Variants in FHIT observed in about 807,000 individuals in gnomAD.
The protein encoded by FHIT is fragile histidine triad diadenosine triphosphatase.
In FHIT, 19 loss-of-function variants were observed where a neutral mutation model predicts 17.9. That is an observed-to-expected ratio of 1.06 (90% CI 0.74 to 1.56). The LOEUF is 1.56. Among genes scored for constraint, FHIT ranks in the 40% most tolerant of loss-of-function variants. FHIT has a pLI of 0.00. For synonymous variants in FHIT, 81 were observed against 69.7 expected (o/e 1.16, Z -0.81); for missense variants, 248 against 189.2 (o/e 1.31, Z -1.82).
intron 5 of FHIT, among the ~76,000 whole-genome samples, chr3:60,383,455 G>A (rs1256032663): frequency 6.6e-6 from 1 of 151,960 alleles, no homozygotes; most frequent in Non-Finnish European, 1.5e-5. Context: ...CATAATTGGA[G>A]GTGAGAGTGC....
At chr3:60,190,890 C>T (rs1702374255) in intron 5 of FHIT, among the ~76,000 whole-genome samples, 1 of 151,942 alleles carries the variant, frequency 6.6e-6, no homozygotes, top group Admixed American at 6.6e-5. Flanking sequence ...TTGCAGTGAG[C>T]CGAGATTGCA....
At chr3:61,104,517 A>G (rs1294479023) in intron 2 of FHIT, among the ~76,000 whole-genome samples, 3 of 151,998 alleles carry the variant, frequency 2.0e-5, no homozygotes, top group Non-Finnish European at 4.4e-5. Flanking sequence ...TGTCATTTCA[A>G]CCATGGAGAA....
chr3:60,390,550 T>C (rs1701187257), intron 5 of FHIT, among the ~76,000 whole-genome samples: 2 of 152,018 alleles, frequency 1.3e-5, no homozygotes, highest in Non-Finnish European at 2.9e-5. Context: ...CAGGAGTTGC[T>C]CCAGAAGAAG....
chr3:60,873,265 G>A (rs1704493844), intron 3 of FHIT, among the ~76,000 whole-genome samples: 5 of 152,100 alleles, frequency 3.3e-5, no homozygotes. Flanking sequence ...GATTTTACTG[G>A]GAGGAAGAAA....
At position 59,951,620 on chromosome 3, in the gene FHIT, C is replaced by A. The variant is rs147916073; in HGVS notation, c.280-29206G>T. Among the ~76,000 whole-genome samples, 14 of 152,256 alleles carry A rather than the reference C, an allele frequency of 9.2e-5. No individual in the cohort carries two copies. In the East Asian group the frequency reaches 9.7e-4, roughly 11 times the overall value. ...AGAGATCATCAGGCCTTGTGCCCCC[C>A]ACCCCACCATCTTGGTGAGCTGACT... On this transcript the variant is annotated intron_variant, in intron 7 of 9. Transcript: ENST00000492590.
intron 4 of FHIT, among the ~76,000 whole-genome samples, chr3:60,600,703 A>C (rs1190294031): frequency 2.0e-5 from 3 of 152,210 alleles, no homozygotes; most frequent in Admixed American, 2.0e-4. Flanking sequence ...CTAAATATGA[A>C]AAGGTATGGA....
intron 4 of FHIT, among the ~76,000 whole-genome samples, chr3:60,607,777 TA>T (rs2038655024): frequency 6.6e-6 from 1 of 152,260 alleles, no homozygotes; most frequent in South Asian, 2.1e-4. Flanking sequence ...TATACATATA[TA>T]CACACATATA....
chr3:60,484,408 G>A (rs2033748487), intron 5 of FHIT, among the ~76,000 whole-genome samples: 1 of 152,138 alleles, frequency 6.6e-6, no homozygotes, highest in Non-Finnish European at 1.5e-5. Flanking sequence ...CAGGCTACCT[G>A]GCTTCAAACT....
In FHIT at chr3:61,245,368, A is replaced by C. The variant is rs554658646; in HGVS notation, c.-213+5933T>G. 5.9e-5 allele frequency among the ~76,000 whole-genome samples: 9 copies of C among 152,308 alleles called. No homozygotes were observed. The South Asian group carries it at 1.7e-3, about 28-fold the overall frequency. Reference sequence around the variant, plus strand: ...GAGTCACACACATAGAAAGTAGCAGAACCAAGATTAAAGTCCAGGTCTTTT... The same window carrying C: ...GAGTCACACACATAGAAAGTAGCAGCACCAAGATTAAAGTCCAGGTCTTTT... On this transcript the variant is annotated intron_variant, in intron 1 of 9. Coordinates refer to ENST00000492590, the MANE Select transcript of FHIT (RefSeq NM_002012.4).
At chr3:60,030,854 T>C (rs1700969661) in intron 5 of FHIT, among the ~76,000 whole-genome samples, 1 of 152,106 alleles carries the variant, frequency 6.6e-6, no homozygotes, top group African/African-American at 2.4e-5. Flanking sequence ...TAAAAATAAA[T>C]AAATAAAAGC....
At chr3:61,066,908 T>C (rs1481193693) in intron 2 of FHIT, among the ~76,000 whole-genome samples, 2 of 152,232 alleles carry the variant, frequency 1.3e-5, no homozygotes, top group African/African-American at 4.8e-5. Context: ...TGTGAGGAGC[T>C]GTGTGGAATG....
chr3:60,610,068 T>A (rs2038737753), intron 4 of FHIT, among the ~76,000 whole-genome samples: 1 of 152,200 alleles, frequency 6.6e-6, no homozygotes. Context: ...ACACAGTAAA[T>A]AAACTACATT....
At chr3:60,290,276 A>G (rs1707921361) in intron 5 of FHIT, among the ~76,000 whole-genome samples, 1 of 151,936 alleles carries the variant, frequency 6.6e-6, no homozygotes, top group Admixed American at 6.6e-5. Context: ...TCAGCCCACC[A>G]CCTCCTGCTA....
chr3:60,068,845 G>A (rs902072254), intron 5 of FHIT, among the ~76,000 whole-genome samples: 2 of 152,036 alleles, frequency 1.3e-5, no homozygotes, highest in African/African-American at 2.4e-5. Flanking sequence ...AAATTAGACG[G>A]TCCTAAGAAT....
intron 5 of FHIT, among the ~76,000 whole-genome samples, chr3:60,477,409 G>A (rs533568862): frequency 1.0e-3 from 156 of 152,202 alleles, no homozygotes; most frequent in African/African-American, 3.6e-3. Flanking sequence ...GTTTATGCCT[G>A]CCTTTGGATT....
chr3:60,782,235 G>GTA (rs879948599), intron 4 of FHIT, among the ~76,000 whole-genome samples: 259 of 76,212 alleles, frequency 3.4e-3, no homozygotes, highest in African/African-American at 0.011. Flanking sequence ...GTGTGTGTGT[G>GTA]TGTATATATA....
At chr3:60,504,916 C>A (rs1001184112) in intron 5 of FHIT, among the ~76,000 whole-genome samples, 1 of 152,156 alleles carries the variant, frequency 6.6e-6, no homozygotes, top group East Asian at 1.9e-4. Flanking sequence ...AGCACAAATT[C>A]TGACCTTTAA....
intron 5 of FHIT, among the ~76,000 whole-genome samples, chr3:60,514,495 G>A (rs1263952609): frequency 2.0e-5 from 3 of 152,180 alleles, no homozygotes; most frequent in Admixed American, 6.5e-5. Context: ...GCCTGTCGAG[G>A]AGGTGGGGAG....
chr3:59,904,592 C>A (rs1704497425), intron 8 of FHIT, among the ~76,000 whole-genome samples: 1 of 152,282 alleles, frequency 6.6e-6, no homozygotes, highest in South Asian at 2.1e-4. Context: ...CCGTACCAGG[C>A]CTTGCTTGGC....
Sources: gnomAD v4.1 joint callset for allele counts (sites outside exome capture counted in the v4.1 genomes callset) on GRCh38, gnomAD v4.1.1 for gene constraint, MANE v1.5 for transcripts, NCBI Gene and HGNC (gene_info 2026-07-23, HGNC 2026-07-21) for gene names.